HAPLN1: variants seen among roughly 807,000 people sequenced by gnomAD.
HAPLN1 encodes hyaluronan and proteoglycan link protein 1.
A neutral mutation model predicts 36.5 loss-of-function variants in HAPLN1; 13 were observed. That is an observed-to-expected ratio of 0.36 (90% CI 0.23 to 0.57). The LOEUF is 0.57. HAPLN1 is among the 20% of genes least tolerant of loss of function. HAPLN1 has a pLI of 0.83. For missense variants in HAPLN1, 407 were observed against 439.7 expected (o/e 0.93, Z 0.66); for synonymous variants, 202 against 169.8 (o/e 1.19, Z -1.48).
At chr5:83,672,226 TGAATTCTGTCACTA>T (rs1169417487) in intron 2 of HAPLN1, among the ~76,000 whole-genome samples, 5 of 152,200 alleles carry the variant, frequency 3.3e-5, no homozygotes, top group African/African-American at 7.2e-5. Flanking sequence ...TTGGCTGAAT[TGAATTCTGTCACTA>T]GAATTCTGTC....
intron 2 of HAPLN1, among the ~76,000 whole-genome samples, chr5:83,654,079 A>C (rs1750149541): frequency 6.6e-6 from 1 of 152,260 alleles, no homozygotes; most frequent in Non-Finnish European, 1.5e-5. Context: ...GTTGAGACAC[A>C]CAGTTATTGA....
chr5:83,660,376 T>C (rs1238431469), intron 2 of HAPLN1, among the ~76,000 whole-genome samples: 1 of 152,166 alleles, frequency 6.6e-6, no homozygotes, highest in Non-Finnish European at 1.5e-5. Flanking sequence ...ATGGCAATGT[T>C]TAAAAAAAGT....
chr5:83,662,800 G>C (rs1333874221), intron 2 of HAPLN1, among the ~76,000 whole-genome samples: 2 of 152,184 alleles, frequency 1.3e-5, no homozygotes, highest in African/African-American at 2.4e-5. Flanking sequence ...CCACTTTGTG[G>C]TAAAGTGTGA....
intron 1 of HAPLN1, among the ~76,000 whole-genome samples, chr5:83,703,214 G>A (rs1443218744): frequency 1.3e-5 from 2 of 151,984 alleles, no homozygotes; most frequent in Non-Finnish European, 2.9e-5. Flanking sequence ...TACTACCACT[G>A]CCCCCTGCTC....
rs765478241 is a variant in HAPLN1, at chr5:83,641,579, T to C, written c.982A>G (p.Thr328Ala). The change falls in exon 5 of 5, where the codon ACT (threonine) becomes GCT (alanine). Residue 328 changes from threonine (T) to alanine (A), a missense_variant. Thr to Ala is a moderately conservative substitution (Grantham distance 58). Coordinates refer to ENST00000274341, the MANE Select transcript of HAPLN1 (RefSeq NM_001884.4). ...ISRPRRRCSPTEAAVRFVGFP... is the reference protein window; with the variant it reads ...ISRPRRRCSPAEAAVRFVGFP... ...CCCACGAAGCGCACTGCAGCCTCAG[T>C]AGGACTGCAGCGCCTTCTTGGCCTA... The C allele has an allele frequency of 2.5e-6, 4 of 1,614,044 alleles. No homozygotes were observed. Among genetic ancestry groups the C allele is most frequent in the Middle Eastern group, 3.3e-4 (2 of 6,084 alleles).
intron 1 of HAPLN1, among the ~76,000 whole-genome samples, chr5:83,707,349 G>C (rs1261747932): frequency 6.6e-6 from 1 of 152,176 alleles, no homozygotes; most frequent in East Asian, 1.9e-4. Flanking sequence ...CAGGGCTACA[G>C]TAACCAAAAC....
intron 1 of HAPLN1, among the ~76,000 whole-genome samples, chr5:83,689,851 A>C (rs1170807992): frequency 1.3e-5 from 2 of 152,188 alleles, no homozygotes; most frequent in Non-Finnish European, 2.9e-5. Context: ...ACCCAAATAT[A>C]TAAACTTAAA....
At chr5:83,650,960 A>G (rs913867231) in intron 3 of HAPLN1, among the ~76,000 whole-genome samples, 2 of 152,100 alleles carry the variant, frequency 1.3e-5, no homozygotes, top group African/African-American at 4.8e-5. Context: ...AATGCGTTAT[A>G]CTGTAACATA....
chr5:83,643,054 C>T (rs114107099), intron 4 of HAPLN1, among the ~76,000 whole-genome samples: 5,871 of 152,084 alleles, frequency 0.039, 153 homozygotes, highest in Non-Finnish European at 0.062. Context: ...CCAGGCACAG[C>T]GGCTCACGTC....
intron 2 of HAPLN1, among the ~76,000 whole-genome samples, chr5:83,661,739 G>A (rs916877480): frequency 2.0e-5 from 3 of 151,248 alleles, no homozygotes; most frequent in Non-Finnish European, 3.0e-5. Flanking sequence ...AACGGCACCC[G>A]GCCCAGAAAA....
At chr5:83,654,994 CTACTGCA>C (rs1205682499) in intron 2 of HAPLN1, among the ~76,000 whole-genome samples, 3 of 152,318 alleles carry the variant, frequency 2.0e-5, no homozygotes, top group Non-Finnish European at 2.9e-5. Context: ...TAAACTGTTC[CTACTGCA>C]TAGATTTTAC....
chr5:83,700,806 A>T (rs1278067912), intron 1 of HAPLN1, among the ~76,000 whole-genome samples: 1 of 152,174 alleles, frequency 6.6e-6, no homozygotes, highest in Non-Finnish European at 1.5e-5. Flanking sequence ...CTGAAAATTA[A>T]TTTGAAAGAG....
At chr5:83,655,852 G>A (rs186629845) in intron 2 of HAPLN1, among the ~76,000 whole-genome samples, 87 of 152,114 alleles carry the variant, frequency 5.7e-4, no homozygotes, top group Non-Finnish European at 8.4e-4. Flanking sequence ...ACAGGTTGTC[G>A]TCACAGAGAC....
At chr5:83,693,647 G>A (rs2112622414) in intron 1 of HAPLN1, among the ~76,000 whole-genome samples, 1 of 151,912 alleles carries the variant, frequency 6.6e-6, no homozygotes, top group Admixed American at 6.5e-5. Context: ...TACATAATAT[G>A]CTAACACTAA....
chr5:83,644,698 A>G, intron 3 of HAPLN1, 33 bp from the exon 4 acceptor site: 1 of 1,387,366 alleles, frequency 7.2e-7, no homozygotes, highest in Non-Finnish European at 9.4e-7. Context: ...AGTTGTTAGA[A>G]GCCCCAAAAC....
At chr5:83,684,004 G>A (rs1276877301) in intron 1 of HAPLN1, among the ~76,000 whole-genome samples, 1 of 152,050 alleles carries the variant, frequency 6.6e-6, no homozygotes, top group Non-Finnish European at 1.5e-5. Context: ...GGAGGAGGGG[G>A]CAGAAGGAGG....
chr5:83,720,273 G>A (rs1324950663), intron 1 of HAPLN1, among the ~76,000 whole-genome samples: 1 of 152,038 alleles, frequency 6.6e-6, no homozygotes, highest in Non-Finnish European at 1.5e-5. Context: ...AGGAAGCCTG[G>A]GCCAAAAATG....
At chr5:83,668,579 A>C (rs768967231) in intron 2 of HAPLN1, among the ~76,000 whole-genome samples, 1 of 152,278 alleles carries the variant, frequency 6.6e-6, no homozygotes, top group Non-Finnish European at 1.5e-5. Flanking sequence ...ATGTTCATTA[A>C]GTGCACACAA....
At chr5:83,678,217 TTGGGTGTGTG>T (rs888853513) in intron 1 of HAPLN1, among the ~76,000 whole-genome samples, 122 of 30,994 alleles carry the variant, frequency 3.9e-3, no homozygotes, top group African/African-American at 9.9e-3. Flanking sequence ...TATCTATAGT[TTGGGTGTGTG>T]TGTGTGTGTG....
Sources: allele counts gnomAD v4.1 joint callset (sites outside exome capture counted in the v4.1 genomes callset), GRCh38; gene constraint gnomAD v4.1.1; transcripts MANE v1.5; gene names NCBI Gene and HGNC (gene_info 2026-07-23, HGNC 2026-07-21).